Variants in GLRA2 observed in about 807,000 individuals in gnomAD.
GLRA2 encodes glycine receptor subunit alpha-2.
GLRA2 carries 11 observed loss-of-function variants against 31.6 expected under a neutral mutation model. That is an observed-to-expected ratio of 0.35 (90% CI 0.22 to 0.58). The LOEUF is 0.58. Ranked by LOEUF, GLRA2 falls within the 20% of genes least tolerant of loss-of-function variation. GLRA2 has a pLI of 0.84. For synonymous variants in GLRA2, 132 were observed against 134.0 expected, an observed-to-expected ratio of 0.99 and a Z score of 0.10; for missense variants, 212 against 351.8, an observed-to-expected ratio of 0.60 and a Z score of 3.18.
intron 7 of GLRA2, among the ~76,000 whole-genome samples, chrX:14,657,090 C>A (rs1433533028): frequency 8.9e-6 from 1 of 111,908 alleles, no homozygotes; most frequent in African/African-American, 3.2e-5. Context: ...AAGCGCTAGA[C>A]AAAGAGCAAG....
At chrX:14,690,008 AT>A (rs935208659) in intron 7 of GLRA2, among the ~76,000 whole-genome samples, 2 of 111,865 alleles carry the variant, frequency 1.8e-5, no homozygotes, top group Non-Finnish European at 3.8e-5. Context: ...TATTCCTCAT[AT>A]TTTACTTTGG....
At chrX:14,673,786 T>C (rs1372541347) in intron 7 of GLRA2, among the ~76,000 whole-genome samples, 3 of 112,614 alleles carry the variant, frequency 2.7e-5, no homozygotes, top group African/African-American at 9.7e-5. Context: ...GAGGCACTAA[T>C]TGCTGACTGA....
chrX:14,561,826 C>G (rs2089737323), intron 2 of GLRA2, among the ~76,000 whole-genome samples: 1 of 112,229 alleles, frequency 8.9e-6, no homozygotes, highest in East Asian at 2.8e-4. Context: ...ACATTTCTTC[C>G]TTGGCAGGAG....
intron 7 of GLRA2, among the ~76,000 whole-genome samples, chrX:14,681,139 T>TG (rs1216414490): frequency 2.7e-5 from 3 of 112,348 alleles, no homozygotes; most frequent in Non-Finnish European, 5.6e-5. Context: ...TGTGCCATGT[T>TG]GGTGTTCCAG....
At chrX:14,469,927 C>G in the GLRA2 span, among the ~76,000 whole-genome samples, 3 of 110,540 alleles carry the variant, frequency 2.7e-5, no homozygotes, top group Non-Finnish European at 5.7e-5. Context: ...TAAAAAGCAA[C>G]GTTTTGATGT....
intron 4 of GLRA2, among the ~76,000 whole-genome samples, chrX:14,595,003 T>C (rs1237807814): frequency 4.6e-5 from 5 of 108,258 alleles, no homozygotes; most frequent in African/African-American, 1.7e-4. Flanking sequence ...GGAAAGAGTC[T>C]AACCATACAG....
At chrX:14,721,327 T>C (rs1007331221) in intron 8 of GLRA2, among the ~76,000 whole-genome samples, 3 of 61,752 alleles carry the variant, frequency 4.9e-5, no homozygotes, top group Non-Finnish European at 9.5e-5. Flanking sequence ...ATTTTAAGTG[T>C]TCTCACCACA....
intron 7 of GLRA2, among the ~76,000 whole-genome samples, chrX:14,683,575 G>T (rs765871955): frequency 1.6e-3 from 174 of 111,368 alleles, no homozygotes; most frequent in Middle Eastern, 0.014. Flanking sequence ...GTCAATTTTG[G>T]CTTTTGTTGC....
chrX:14,714,577 C>T (rs2091757921), intron 8 of GLRA2, among the ~76,000 whole-genome samples: 1 of 111,846 alleles, frequency 8.9e-6, no homozygotes, highest in African/African-American at 3.3e-5. Context: ...AAGATTTCTG[C>T]TCATACCACA....
intron 8 of GLRA2, among the ~76,000 whole-genome samples, chrX:14,728,100 A>G (rs1366479328): frequency 1.8e-5 from 2 of 112,235 alleles, no homozygotes; most frequent in African/African-American, 6.5e-5. Context: ...CTTTTTAAAG[A>G]CCTTTGGTCT....
chrX:14,516,530 T>TA, the GLRA2 span, among the ~76,000 whole-genome samples: 1 of 111,538 alleles, frequency 9.0e-6, no homozygotes, highest in African/African-American at 3.3e-5. Context: ...CTGTTGTAAC[T>TA]AATCTTCAGA....
At chrX:14,543,832 CTT>C (rs1214411088) in intron 2 of GLRA2, among the ~76,000 whole-genome samples, 1 of 111,069 alleles carries the variant, frequency 9.0e-6, no homozygotes, top group Non-Finnish European at 1.9e-5. Context: ...ATTTTAAAAA[CTT>C]TTTTTTACAC....
the GLRA2 span, among the ~76,000 whole-genome samples, chrX:14,518,779 G>A: frequency 9.3e-6 from 1 of 107,658 alleles, no homozygotes; most frequent in Non-Finnish European, 1.9e-5. Flanking sequence ...GGGAGGCCAC[G>A]GCGGACCGAT....
chrX:14,468,538 A>G, the GLRA2 span, among the ~76,000 whole-genome samples: 1 of 112,374 alleles, frequency 8.9e-6, no homozygotes, highest in African/African-American at 3.2e-5. Context: ...TGGAACTTAT[A>G]CTGGGAAATG....
At chrX:14,508,264 T>G in the GLRA2 span, among the ~76,000 whole-genome samples, 1 of 112,498 alleles carries the variant, frequency 8.9e-6, no homozygotes, top group Non-Finnish European at 1.9e-5. Context: ...TTCTCAAAGC[T>G]GTCAGGGGAT....
the GLRA2 span, among the ~76,000 whole-genome samples, chrX:14,513,826 A>G: frequency 8.9e-6 from 1 of 112,153 alleles, no homozygotes; most frequent in Non-Finnish European, 1.9e-5. Context: ...GGGAATTTAA[A>G]CTGATACAAC....
chrX:14,667,557 A>T (rs749133979), intron 7 of GLRA2, among the ~76,000 whole-genome samples: 109 of 111,983 alleles, frequency 9.7e-4, no homozygotes, highest in African/African-American at 3.3e-3. Context: ...CTGATTTTGA[A>T]TAGCTACTTT....
At chrX:14,451,872 C>T in the GLRA2 span, among the ~76,000 whole-genome samples, 3 of 110,691 alleles carry the variant, frequency 2.7e-5, no homozygotes, top group East Asian at 2.8e-4. Context: ...CAAAGAAGGT[C>T]ATTACATAAT....
At chrX:14,639,917 T>C (rs2090755006) in intron 7 of GLRA2, among the ~76,000 whole-genome samples, 1 of 112,286 alleles carries the variant, frequency 8.9e-6, no homozygotes, top group African/African-American at 3.2e-5. Context: ...GTAAAAAGTT[T>C]TTAAATGATA....
Sources: allele counts gnomAD v4.1 joint callset (sites outside exome capture counted in the v4.1 genomes callset), GRCh38; gene constraint gnomAD v4.1.1; transcripts MANE v1.5; gene names NCBI Gene and HGNC (gene_info 2026-07-23, HGNC 2026-07-21).